The following PLEKHH2 variants were observed in gnomAD, a reference collection of about 807,000 sequenced individuals.
PLEKHH2 encodes pleckstrin homology domain-containing family H member 2.
Under a neutral mutation model 187.9 loss-of-function variants are expected in PLEKHH2, and 129 were observed. The ratio of observed to expected loss-of-function variants is 0.69; its 90% CI spans 0.59 to 0.79. The LOEUF (loss-of-function observed/expected upper bound fraction) is 0.79, where lower values mean the gene tolerates loss of function less well. Ranked by LOEUF, PLEKHH2 falls within the 30% of genes least tolerant of loss-of-function variation. The pLI is 0.00. For missense variants in PLEKHH2, 2,076 were observed against 1,751.2 expected (o/e 1.19, Z -3.31); for synonymous variants, 686 against 605.6 (o/e 1.13, Z -1.95).
intron 25 of PLEKHH2, among the ~76,000 whole-genome samples, chr2:43,754,201 C>A (rs575837788): frequency 0.23 from 26,744 of 114,874 alleles, 2,656 homozygotes; most frequent in African/African-American, 0.37. Context: ...CACACACACA[C>A]ACACAAAATT....
At chr2:43,650,382 C>CT (rs1237057259) in intron 2 of PLEKHH2, among the ~76,000 whole-genome samples, 1 of 151,952 alleles carries the variant, frequency 6.6e-6, no homozygotes, top group Non-Finnish European at 1.5e-5. Flanking sequence ...ATCTGCCCAC[C>CT]TTGGCCTCCC....
At chr2:43,676,466 G>C (rs1017199958) in intron 2 of PLEKHH2, 37 of 642,016 alleles carry the variant, frequency 5.8e-5, no homozygotes, top group South Asian at 4.7e-4. Flanking sequence ...CGTAGAGAAG[G>C]GGGCGGGGCA....
At chr2:43,711,047 C>T (rs1486016231) in intron 14 of PLEKHH2, 2 of 988,512 alleles carry the variant, frequency 2.0e-6, no homozygotes, top group Non-Finnish European at 2.4e-6. Context: ...GAGTGTGCTG[C>T]CAAGCAAGTC....
In PLEKHH2 at chr2:43,646,359, C is replaced by A. The variant is rs113438927; in HGVS notation, c.123+1563C>A. Among the ~76,000 whole-genome samples, 772 of 152,232 alleles carry A rather than the reference C, an allele frequency of 5.1e-3. 5 individuals carry two copies. The highest frequency in any genetic ancestry group is 0.018 in the African/African-American group (743 of 41,550). Reference sequence around the variant, plus strand: ...AACTGCCCCATACAGTGATTTTTGTCAGGATCCACCAATTATGTCCTTATT... The same window carrying A: ...AACTGCCCCATACAGTGATTTTTGTAAGGATCCACCAATTATGTCCTTATT... On this transcript the variant is annotated intron_variant, in intron 2 of 29. Transcript: ENST00000282406.
intron 3 of PLEKHH2, 93 bp downstream of exon 3, chr2:43,679,018 T>C: frequency 1.3e-6 from 1 of 759,356 alleles, no homozygotes; most frequent in Non-Finnish European, 2.2e-6. Context: ...TCAGCCCACC[T>C]CTACATCTTA....
At chr2:43,672,686 A>G (rs750018008) in intron 2 of PLEKHH2, among the ~76,000 whole-genome samples, 3 of 152,218 alleles carry the variant, frequency 2.0e-5, no homozygotes, top group Non-Finnish European at 4.4e-5. Flanking sequence ...ATTCCCTCTA[A>G]GGGAGCAGAA....
chr2:43,737,298 A>G (rs1268961933), intron 19 of PLEKHH2, among the ~76,000 whole-genome samples: 3 of 152,266 alleles, frequency 2.0e-5, no homozygotes, highest in African/African-American at 4.8e-5. Flanking sequence ...CCAGGCATAC[A>G]GAGAATCGGG....
chr2:43,648,641 C>T lies in PLEKHH2; in HGVS notation c.123+3845C>T, dbSNP rs11684880. ...TGTTGCCCAGGCTGGAGTGCAGTTG[C>T]GCAATCTTGGCTCACTGCAACCTCC... is the stretch of plus-strand genomic sequence containing the variant. On this transcript the variant is annotated intron_variant, in intron 2 of 29. Coordinates refer to ENST00000282406, the MANE Select transcript of PLEKHH2 (RefSeq NM_172069.4). Among the ~76,000 whole-genome samples the T allele has an allele frequency of 5.4e-3, 816 of 151,252 alleles. 3 individuals are homozygous for T. Among genetic ancestry groups the T allele is most frequent in the Non-Finnish European group, 9.1e-3 (618 of 67,810 alleles).
At position 43,654,708 on chromosome 2, in the gene PLEKHH2, C is replaced by A. The variant is rs1451956012; in HGVS notation, c.123+9912C>A. 3.4e-4 allele frequency among the ~76,000 whole-genome samples: 13 copies of A among 37,686 alleles called. No individual in the cohort carries two copies. The South Asian group carries it at 0.011, about 31-fold the overall frequency. 24.7% of individuals were successfully genotyped at this position (37,686 alleles called of 152,430 possible). A position where few individuals can be genotyped will look rare whatever the true frequency, so the allele number is the denominator to read the frequency against. On this transcript the variant is annotated intron_variant, in intron 2 of 29. Transcript: ENST00000282406. Reference sequence around the variant, plus strand: ...GCTTGGGCAACATAGTAAGACACCCCCCCCCCCCGCATCTCTACCAAAAAA... The same window carrying A: ...GCTTGGGCAACATAGTAAGACACCCACCCCCCCCGCATCTCTACCAAAAAA...
chr2:43,725,222 T>G (rs1670683482), intron 16 of PLEKHH2, among the ~76,000 whole-genome samples: 1 of 152,202 alleles, frequency 6.6e-6, no homozygotes, highest in South Asian at 2.1e-4. Context: ...ACTGTTAGTC[T>G]GTGTTTCTTT....
chr2:43,744,200 A>G, intron 23 of PLEKHH2: 1 of 1,069,954 alleles, frequency 9.3e-7, no homozygotes, highest in South Asian at 3.3e-5. Flanking sequence ...ATTCCATATT[A>G]AAGAGAGGAA....
In PLEKHH2 at chr2:43,727,924, G is replaced by A. The variant is rs137895772; in HGVS notation, c.2721+1473G>A. On this transcript the variant is annotated intron_variant, in intron 17 of 29. Coordinates refer to ENST00000282406, the MANE Select transcript of PLEKHH2 (RefSeq NM_172069.4). ...GAACAACTTACTGAGGAATTTAATGGCTAATGAATGCTTACGCTCATCTGT... is the reference window on the plus strand; with the variant it reads ...GAACAACTTACTGAGGAATTTAATGACTAATGAATGCTTACGCTCATCTGT... Among the ~76,000 whole-genome samples, 406 of 152,204 alleles carry A rather than the reference G, an allele frequency of 2.7e-3. 1 individual carries two copies. The highest frequency in any genetic ancestry group is 9.5e-3 in the African/African-American group (393 of 41,520).
chr2:43,710,205 T>A lies in PLEKHH2; in HGVS notation c.2104-15T>A. 6.2e-7 allele frequency: 1 copy of A among 1,612,424 alleles called. No homozygotes were observed. The highest frequency in any genetic ancestry group is 8.5e-7 in the Non-Finnish European group (1 of 1,178,910). On this transcript the variant is annotated splice_polypyrimidine_tract_variant and intron_variant, in intron 12 of 29. Transcript: ENST00000282406. ...AGGAAACTGAAAATGCTTTTGTCTA[T>A]CTTTTAAAAATTAGGAACCACTGGA...
chr2:43,765,316 C>T, intron 29 of PLEKHH2, 97 bp from the exon 30 acceptor site: 2 of 1,182,394 alleles, frequency 1.7e-6, no homozygotes, highest in East Asian at 2.4e-5. Context: ...AGCCTGGGCA[C>T]TTGCAAATGG....
intron 10 of PLEKHH2, 83 bp from the exon 11 acceptor site, chr2:43,707,318 C>T (rs551282392): frequency 2.0e-5 from 31 of 1,517,750 alleles, no homozygotes; most frequent in African/African-American, 1.7e-4. Context: ...CTTTAGGAGG[C>T]GACCCTAATA....
At chr2:43,711,859 A>T in intron 14 of PLEKHH2, 1 of 816,348 alleles carries the variant, frequency 1.2e-6, no homozygotes, top group Non-Finnish European at 1.5e-6. Context: ...GCGCCACTGC[A>T]CTCCAGCCTG....
chr2:43,696,646 C>A (rs1669105670), intron 6 of PLEKHH2, among the ~76,000 whole-genome samples: 1 of 152,020 alleles, frequency 6.6e-6, no homozygotes, highest in Admixed American at 6.6e-5. Flanking sequence ...ATAGACCCAA[C>A]CTCCCCATCT....
At chr2:43,658,230 C>A (rs1666888983) in intron 2 of PLEKHH2, among the ~76,000 whole-genome samples, 1 of 152,156 alleles carries the variant, frequency 6.6e-6, no homozygotes, top group South Asian at 2.1e-4. Context: ...CTTCCCATTA[C>A]TTTGAAGTCT....
rs535967476 is a variant in PLEKHH2, at chr2:43,720,906, G to A, written c.2541+157G>A. On this transcript the variant is annotated intron_variant, in intron 16 of 29. Transcript: ENST00000282406. ...GTGCAACTGAGAAAATCACACAAAG[G>A]TCTATCACCTACACCTACAAGGGTC... 5.3e-5 allele frequency among the ~76,000 whole-genome samples: 8 copies of A among 152,214 alleles called. No homozygotes were observed. In the East Asian group the frequency reaches 1.4e-3, roughly 26 times the overall value.
Sources: allele counts gnomAD v4.1 joint callset (sites outside exome capture counted in the v4.1 genomes callset), GRCh38; gene constraint gnomAD v4.1.1; transcripts MANE v1.5; gene names NCBI Gene and HGNC (gene_info 2026-07-23, HGNC 2026-07-21).